DMXL1: variants seen among roughly 807,000 people sequenced by gnomAD.
The protein encoded by DMXL1 is Dmx like 1.
In DMXL1, 99 loss-of-function variants were observed where a neutral mutation model predicts 319.2. That is an observed-to-expected ratio of 0.31 (90% confidence interval 0.26 to 0.37). The LOEUF is 0.37. Among genes scored for constraint, DMXL1 ranks in the 10% least tolerant of loss-of-function variants. The pLI, the probability that DMXL1 is intolerant of heterozygous loss-of-function variation, is 1.00. For synonymous variants in DMXL1, 1,385 were observed against 1,235.2 expected (o/e 1.12, Z -2.54); for missense variants, 3,745 against 3,595.6 (o/e 1.04, Z -1.06).
chr5:119,198,122 G>A (rs555525374), intron 32 of DMXL1, among the ~76,000 whole-genome samples, 166 bp downstream of exon 32: 1 of 152,094 alleles, frequency 6.6e-6, no homozygotes, highest in Non-Finnish European at 1.5e-5. Flanking sequence ...CTGAGTAGCT[G>A]GGATTACAGG....
chr5:119,188,681 A>T (rs1465456465), intron 28 of DMXL1, among the ~76,000 whole-genome samples: 2 of 152,234 alleles, frequency 1.3e-5, no homozygotes, highest in Non-Finnish European at 2.9e-5. Flanking sequence ...CATTTGAAAG[A>T]TTAAGTAATA....
intron 1 of DMXL1, among the ~76,000 whole-genome samples, chr5:119,086,795 A>C (rs1753472939): frequency 6.8e-6 from 1 of 146,118 alleles, no homozygotes; most frequent in Admixed American, 6.8e-5. Flanking sequence ...AGTTCTTTAA[A>C]TGTTTGATAG....
intron 5 of DMXL1, among the ~76,000 whole-genome samples, chr5:119,112,737 A>G (rs575170685): frequency 6.6e-6 from 1 of 152,256 alleles, no homozygotes; most frequent in East Asian, 1.9e-4. Context: ...TGGGTGGATC[A>G]CCTGAGGTCG....
Position 119,247,207 on chromosome 5 carries a change from A to G in DMXL1, c.9135A>G (p.Lys3045=). 3.1e-6 allele frequency: 5 copies of G among 1,610,638 alleles called. No homozygotes were observed. Among genetic ancestry groups the G allele is most frequent in the Non-Finnish European group, 4.2e-6 (5 of 1,177,306 alleles). Residue 3045 remains lysine (K), a synonymous_variant, in exon 44 of 44, where the codon AAA becomes AAG. Transcript: ENST00000539542. ...PLNEVLKNDV[K]FML ...ATGAAGTGTTGAAAAATGATGTGAA[A>G]TTTATGCTATAACATTTTTACAATA... is the stretch of plus-strand genomic sequence containing the variant.
rs771050000 is a variant in DMXL1, at chr5:119,098,093, C to A, written c.202C>A (p.Gln68Lys). The A allele has an allele frequency of 6.3e-7, 1 of 1,597,064 alleles. No homozygotes were observed. ...IQVGCVDCSMQQGKIAASYGN... is the reference protein window; with the variant it reads ...IQVGCVDCSMKQGKIAASYGN... ...AGTGGGATGTGTAGACTGTTCAATG[C>A]AACAAGGCAAGGTTTGTAATCTTCT... Residue 68 changes from glutamine to lysine, a missense_variant, in exon 2 of 44, where the codon CAA becomes AAA. By Grantham distance (53) the Gln-to-Lys change is moderately conservative. Coordinates refer to ENST00000539542, the MANE Select transcript of DMXL1 (RefSeq NM_001290321.3).
intron 42 of DMXL1, among the ~76,000 whole-genome samples, chr5:119,241,925 G>C (rs117980747): frequency 6.6e-6 from 1 of 152,144 alleles, no homozygotes; most frequent in African/African-American, 2.4e-5. Context: ...TATAACAGTA[G>C]TACAGTATGT....
At chr5:119,138,995 A>C (rs1561693743) in intron 13 of DMXL1, 3 of 152,222 alleles carry the variant, frequency 2.0e-5, no homozygotes, top group African/African-American at 2.4e-5. Context: ...TATATTCAAC[A>C]TCCTTAAAGA....
chr5:119,239,209 T>A, intron 41 of DMXL1, 129 bp downstream of exon 41: 1 of 1,014,578 alleles, frequency 9.9e-7, no homozygotes. Flanking sequence ...TAAAAACTAT[T>A]ATTTATTGGC....
At position 119,147,255 on chromosome 5, in the gene DMXL1, A is replaced by C; in HGVS notation, c.2696A>C (p.Lys899Thr). 6.2e-7 allele frequency: 1 copy of C among 1,611,366 alleles called. No individual in the cohort carries two copies. Among genetic ancestry groups the C allele is most frequent in the African/African-American group, 1.3e-5 (1 of 74,848 alleles). Residue 899 changes from lysine (K) to threonine (T), a missense_variant, in exon 17 of 44, where the codon AAA (lysine) becomes ACA (threonine). Around this residue, in one of 4 missense-constraint regions of DMXL1, gnomAD observed 2,096 missense variants for 1,985.4 expected, o/e 1.06. Coordinates refer to ENST00000539542, the MANE Select transcript of DMXL1 (RefSeq NM_001290321.3). ...LKSIPVSLDEKVDTKLSEAVW... is the reference protein window; with the variant it reads ...LKSIPVSLDETVDTKLSEAVW... The stretch of plus-strand genomic sequence containing the variant: ...CTTTTCTTATGTTTTGTAGATGAAA[A>C]AGTAGATACAAAATTATCCGAAGCG...
intron 38 of DMXL1, among the ~76,000 whole-genome samples, chr5:119,225,353 C>G (rs1037400170): frequency 2.0e-5 from 3 of 151,860 alleles, no homozygotes; most frequent in Admixed American, 2.0e-4. Context: ...GTTTCTCTTC[C>G]TTCAACCAAG....
Position 119,171,087 on chromosome 5 carries a change from A to T in DMXL1, c.6296A>T (p.Asp2099Val), listed in dbSNP as rs765270560. 1.2e-6 allele frequency: 2 copies of T among 1,613,920 alleles called. No individual in the cohort carries two copies. Among genetic ancestry groups the T allele is most frequent in the Non-Finnish European group, 1.7e-6 (2 of 1,179,878 alleles). ...RNEDEFGLNEDAEDLPHQTKV... is the reference protein window; with the variant it reads ...RNEDEFGLNEVAEDLPHQTKV... ...GAAGATGAATTTGGATTAAATGAGG[A>T]TGCTGAAGATTTGCCTCACCAAACA... The change falls in exon 24 of 44, where the codon GAT becomes GTT. Residue 2099 changes from aspartate (D) to valine (V), a missense_variant. Around this residue, in one of 4 missense-constraint regions of DMXL1, gnomAD observed 1,382 missense variants for 1,269.5 expected, o/e 1.09. Coordinates refer to ENST00000539542, the MANE Select transcript of DMXL1 (RefSeq NM_001290321.3).
chr5:119,115,052 G>A, intron 6 of DMXL1, among the ~76,000 whole-genome samples: 1 of 152,166 alleles, frequency 6.6e-6, no homozygotes, highest in East Asian at 1.9e-4. Flanking sequence ...CATAGACTTA[G>A]GGGCAGATCT....
intron 16 of DMXL1, 47 bp downstream of exon 16, chr5:119,147,003 TAAC>T: frequency 6.3e-7 from 1 of 1,591,466 alleles, no homozygotes; most frequent in African/African-American, 1.4e-5. Flanking sequence ...AGGTGTAAGT[TAAC>T]AAATTACACA....
intron 9 of DMXL1, among the ~76,000 whole-genome samples, chr5:119,121,481 C>G (rs369111658): frequency 6.6e-6 from 1 of 151,916 alleles, no homozygotes; most frequent in East Asian, 1.9e-4. Context: ...GTGGTGATGA[C>G]TCTTAACGAG....
At chr5:119,084,757 C>A (rs570734227) in intron 1 of DMXL1, among the ~76,000 whole-genome samples, 1 of 150,952 alleles carries the variant, frequency 6.6e-6, no homozygotes, top group South Asian at 2.1e-4. Flanking sequence ...TCCGGCTACT[C>A]GGGAGGCGAG....
chr5:119,222,647 T>C (rs1433514222), intron 37 of DMXL1, among the ~76,000 whole-genome samples: 3 of 152,288 alleles, frequency 2.0e-5, no homozygotes, highest in East Asian at 1.9e-4. Flanking sequence ...GTTACTCTTT[T>C]CTAAAACATC....
intron 2 of DMXL1, chr5:119,100,805 AGTC>A (rs1757097986): frequency 1.1e-5 from 1 of 88,680 alleles, no homozygotes; most frequent in Non-Finnish European, 2.0e-5. Context: ...TTTGAGACGG[AGTC>A]TCACTTTGTC....
At chr5:119,103,228 A>G (rs973913722) in intron 3 of DMXL1, among the ~76,000 whole-genome samples, 2 of 152,102 alleles carry the variant, frequency 1.3e-5, no homozygotes, top group African/African-American at 2.4e-5. Context: ...ATTACTATCT[A>G]TTCAGTCTTG....
intron 10 of DMXL1, among the ~76,000 whole-genome samples, chr5:119,129,982 G>A (rs969849021): frequency 2.0e-5 from 3 of 152,186 alleles, no homozygotes; most frequent in South Asian, 2.1e-4. Context: ...CACAGGGCCC[G>A]TGTAGTTCCT....
Sources: allele counts gnomAD v4.1 joint callset (sites outside exome capture counted in the v4.1 genomes callset), GRCh38; gene constraint gnomAD v4.1.1; regional missense constraint gnomAD v4.1.1; transcripts MANE v1.5; gene names NCBI Gene and HGNC (gene_info 2026-07-23, HGNC 2026-07-21).